CDH8: variants seen among roughly 807,000 people sequenced by gnomAD.
CDH8 encodes cadherin 8, also known as cadherin-8.
In CDH8, 17 loss-of-function variants were observed where a neutral mutation model predicts 68.1. The ratio of observed to expected loss-of-function variants is 0.25; its 90% CI spans 0.17 to 0.37. The LOEUF is 0.37. Ranked by LOEUF, CDH8 falls within the 10% of genes least tolerant of loss-of-function variation. The pLI, the probability that CDH8 is intolerant of heterozygous loss-of-function variation, is 1.00. For missense variants in CDH8, 763 were observed against 999.3 expected (o/e 0.76, Z 3.19); for synonymous variants, 372 against 365.1 (o/e 1.02, Z -0.21).
chr16:61,908,541 C>A (rs1964102045), intron 2 of CDH8, among the ~76,000 whole-genome samples: 5 of 152,166 alleles, frequency 3.3e-5, no homozygotes, highest in Admixed American at 3.3e-4. Context: ...TTTCATACTA[C>A]AGAATATCTC....
In CDH8 at chr16:61,653,583, C is replaced by T. The variant is rs779363657; in HGVS notation, c.*25G>A. 5.7e-6 allele frequency: 9 copies of T among 1,582,460 alleles called. No individual in the cohort carries two copies. The highest frequency in any genetic ancestry group is 6.9e-6 in the Non-Finnish European group (8 of 1,166,000). On this transcript the variant is annotated 3_prime_UTR_variant, in exon 12 of 12. Coordinates refer to ENST00000577390, the MANE Select transcript of CDH8 (RefSeq NM_001796.5). The stretch of plus-strand genomic sequence containing the variant: ...CTAGAATATTACAGAATGCTCAGTT[C>T]CAGTGATTTATTTATAATCCACTGT...
At chr16:61,743,724 C>G (rs1183842620) in intron 8 of CDH8, among the ~76,000 whole-genome samples, 1 of 152,156 alleles carries the variant, frequency 6.6e-6, no homozygotes, top group South Asian at 2.1e-4. Flanking sequence ...TTTTCAGCCC[C>G]TTTGAAGTGG....
intron 8 of CDH8, among the ~76,000 whole-genome samples, chr16:61,771,127 C>T (rs1007809227): frequency 1.3e-5 from 2 of 151,716 alleles, no homozygotes; most frequent in African/African-American, 4.8e-5. Context: ...CCATGTCTAA[C>T]CAATCATTTT....
At position 61,652,465 on chromosome 16, in the gene CDH8, T is replaced by C. The variant is rs1963341984; in HGVS notation, c.*1143A>G. 3.0e-6 allele frequency: 3 copies of C among 988,378 alleles called. No homozygotes were observed. Among genetic ancestry groups the C allele is most frequent in the East Asian group, 1.1e-4 (1 of 9,070 alleles). 61.2% of individuals were successfully genotyped at this position (988,378 alleles called of 1,614,324 possible). ...GTAAAAACACCAAATACTAGGATTA[T>C]GAACAAAATAGAAAACAGTCCAAAA... is the stretch of plus-strand genomic sequence containing the variant. On this transcript the variant is annotated 3_prime_UTR_variant, in exon 12 of 12. Transcript: ENST00000577390.
intron 8 of CDH8, among the ~76,000 whole-genome samples, chr16:61,757,724 G>A (rs1320289595): frequency 2.6e-5 from 4 of 152,112 alleles, no homozygotes; most frequent in Non-Finnish European, 4.4e-5. Flanking sequence ...TGGAAAGGCA[G>A]TGATGGCCAC....
At chr16:61,922,342 T>C (rs1004832564) in intron 2 of CDH8, among the ~76,000 whole-genome samples, 4 of 152,172 alleles carry the variant, frequency 2.6e-5, no homozygotes, top group Non-Finnish European at 5.9e-5. Flanking sequence ...TTTTATTATA[T>C]GAGGAATTCG....
chr16:61,757,023 A>G (rs1041107016), intron 8 of CDH8, among the ~76,000 whole-genome samples: 1 of 152,216 alleles, frequency 6.6e-6, no homozygotes, highest in Non-Finnish European at 1.5e-5. Context: ...AAGGGTAGAC[A>G]TGACATTTGT....
At chr16:61,859,584 G>A (rs1009630844) in intron 3 of CDH8, among the ~76,000 whole-genome samples, 1 of 152,160 alleles carries the variant, frequency 6.6e-6, no homozygotes, top group Non-Finnish European at 1.5e-5. Context: ...TAGGAGACCA[G>A]ACTTGTTATG....
intron 4 of CDH8, among the ~76,000 whole-genome samples, chr16:61,844,624 T>C (rs1211317318): frequency 1.3e-5 from 2 of 152,172 alleles, no homozygotes; most frequent in African/African-American, 4.8e-5. Context: ...CCAAGTCTAT[T>C]TTCCAATGTT....
chr16:61,911,898 C>T (rs1049243587), intron 2 of CDH8, among the ~76,000 whole-genome samples: 10 of 151,918 alleles, frequency 6.6e-5, no homozygotes, highest in Non-Finnish European at 7.4e-5. Flanking sequence ...TTCCAAAGGG[C>T]GAGCCACAGA....
At chr16:61,924,209 G>A (rs532829881) in intron 2 of CDH8, among the ~76,000 whole-genome samples, 1 of 152,198 alleles carries the variant, frequency 6.6e-6, no homozygotes, top group Admixed American at 6.6e-5. Context: ...TAAGTGGTTC[G>A]AAATGTTTCC....
intron 2 of CDH8, among the ~76,000 whole-genome samples, chr16:61,929,629 T>G (rs947122213): frequency 2.0e-5 from 3 of 152,180 alleles, no homozygotes; most frequent in African/African-American, 7.2e-5. Flanking sequence ...GGGTCCCATC[T>G]GCAATCCGCC....
intron 2 of CDH8, among the ~76,000 whole-genome samples, chr16:61,943,889 G>A (rs1190492027): frequency 6.6e-6 from 1 of 152,160 alleles, no homozygotes; most frequent in Non-Finnish European, 1.5e-5. Context: ...TGAGAACTGA[G>A]AAAAACAGAA....
At position 61,952,411 on chromosome 16, in the gene CDH8, G is replaced by A. The variant is rs189615079; in HGVS notation, c.253-50938C>T. ...TAAGTGTTATAAAAGATAGGTATTG[G>A]GCATCATGTAAGAATGAATAAAGAG... On this transcript the variant is annotated intron_variant, in intron 2 of 11. Coordinates refer to ENST00000577390, the MANE Select transcript of CDH8 (RefSeq NM_001796.5). 2.6e-4 allele frequency among the ~76,000 whole-genome samples: 39 copies of A among 152,254 alleles called. No individual in the cohort carries two copies. In the East Asian group the frequency reaches 5.4e-3, roughly 21 times the overall value.
At chr16:61,851,534 T>C (rs936077677) in intron 4 of CDH8, among the ~76,000 whole-genome samples, 1 of 152,084 alleles carries the variant, frequency 6.6e-6, no homozygotes, top group Non-Finnish European at 1.5e-5. Flanking sequence ...TAGGATGGAC[T>C]GCATCTGTTT....
intron 10 of CDH8, among the ~76,000 whole-genome samples, chr16:61,672,894 T>C (rs540576323): frequency 6.6e-6 from 1 of 152,184 alleles, no homozygotes; most frequent in South Asian, 2.1e-4. Context: ...ACAGTGTAAA[T>C]CCATCATTCA....
intron 2 of CDH8, among the ~76,000 whole-genome samples, chr16:61,965,150 C>A (rs1315254694): frequency 6.6e-6 from 1 of 152,196 alleles, no homozygotes; most frequent in African/African-American, 2.4e-5. Context: ...TGAAAATCCC[C>A]TCAAGTAGGC....
intron 10 of CDH8, among the ~76,000 whole-genome samples, chr16:61,662,848 C>T (rs1475058497): frequency 1.3e-5 from 2 of 151,924 alleles, no homozygotes; most frequent in African/African-American, 4.8e-5. Flanking sequence ...AATCCCCAGT[C>T]TATACCAATA....
chr16:61,860,553 T>A (rs1410233273), intron 3 of CDH8, among the ~76,000 whole-genome samples: 2 of 152,218 alleles, frequency 1.3e-5, no homozygotes, highest in Non-Finnish European at 2.9e-5. Context: ...ATTTTTTTGC[T>A]TTGTTTTGTA....
Sources: gnomAD v4.1 joint callset for allele counts (sites outside exome capture counted in the v4.1 genomes callset) on GRCh38, gnomAD v4.1.1 for gene constraint, MANE v1.5 for transcripts, NCBI Gene and HGNC (gene_info 2026-07-23, HGNC 2026-07-21) for gene names.